UPK3A: variants seen among roughly 807,000 people sequenced by gnomAD.
The protein encoded by UPK3A is uroplakin 3A, also known as uroplakin-3a.
Under a neutral mutation model 27.6 loss-of-function variants are expected in UPK3A, and 32 were observed. The ratio of observed to expected loss-of-function variants is 1.16; its 90% confidence interval spans 0.87 to 1.55. The LOEUF (loss-of-function observed/expected upper bound fraction) is 1.55, where lower values mean the gene tolerates loss of function less well. UPK3A is among the 40% of genes most tolerant of loss of function. The pLI is 0.00. For synonymous variants in UPK3A, 171 were observed against 163.9 expected (o/e 1.04, Z -0.33); for missense variants, 370 against 367.9 (o/e 1.01, Z -0.05).
In UPK3A at chr22:45,287,332, C is replaced by G; in HGVS notation, c.369C>G (p.Ser123=). 6.2e-7 allele frequency: 1 copy of G among 1,614,162 alleles called. No individual in the cohort carries two copies. Among genetic ancestry groups the G allele is most frequent in the Middle Eastern group, 1.6e-4 (1 of 6,062 alleles). Reference sequence around the variant, plus strand: ...GCCTGGATGCCATTGGGGATGTGTCCAAGGCCTCACAGATCCTGAATGCCT... The same window carrying G: ...GCCTGGATGCCATTGGGGATGTGTCGAAGGCCTCACAGATCCTGAATGCCT... ...LPSLDAIGDV[S]KASQILNAYL... The change falls in exon 3 of 6, where the codon TCC becomes TCG. Residue 123 remains serine, a synonymous_variant. Coordinates refer to ENST00000216211, the MANE Select transcript of UPK3A (RefSeq NM_006953.4).
intron 1 of UPK3A, among the ~76,000 whole-genome samples, chr22:45,285,297 G>A (rs2084109893): frequency 6.6e-6 from 1 of 152,254 alleles, no homozygotes; most frequent in Non-Finnish European, 1.5e-5. Context: ...GGGGGCTGCG[G>A]TAGGACAGAG....
intron 5 of UPK3A, among the ~76,000 whole-genome samples, chr22:45,294,709 T>C (rs2084183520): frequency 6.6e-6 from 1 of 152,028 alleles, no homozygotes; most frequent in South Asian, 2.1e-4. Context: ...CTATCTGAAA[T>C]TAGCCCCAGT....
chr22:45,294,605 GA>G (rs1201487472), intron 5 of UPK3A, among the ~76,000 whole-genome samples: 3 of 152,112 alleles, frequency 2.0e-5, no homozygotes, highest in Non-Finnish European at 4.4e-5. Context: ...CAGCCTCCCA[GA>G]AACTCTGCCT....
In UPK3A at chr22:45,295,734, C is replaced by G. The variant is rs764697690; in HGVS notation, c.*15C>G. On this transcript the variant is annotated 3_prime_UTR_variant, in exon 6 of 6. Coordinates refer to ENST00000216211, the MANE Select transcript of UPK3A (RefSeq NM_006953.4). ...TCCAAGACTGAGCCCAGCACCACCC[C>G]TGGGCAGCAGCATCCTCCTCTCTGG... is the stretch of plus-strand genomic sequence containing the variant. The G allele has an allele frequency of 1.1e-5, 18 of 1,613,428 alleles. No individual in the cohort carries two copies. Among genetic ancestry groups the G allele is most frequent in the Middle Eastern group, 1.7e-4 (1 of 6,016 alleles).
At chr22:45,293,582 C>T (rs2147798250) in intron 5 of UPK3A, among the ~76,000 whole-genome samples, 1 of 152,298 alleles carries the variant, frequency 6.6e-6, no homozygotes, top group Non-Finnish European at 1.5e-5. Context: ...GATCTTAGCT[C>T]TGACACTGAA....
chr22:45,293,729 G>T (rs1048286067), intron 5 of UPK3A, among the ~76,000 whole-genome samples: 1 of 152,188 alleles, frequency 6.6e-6, no homozygotes, highest in African/African-American at 2.4e-5. Context: ...AGTCTCTAGA[G>T]CAGTGCCTGG....
At position 45,289,145 on chromosome 22, in the gene UPK3A, T is replaced by A. The variant is rs1264631617; in HGVS notation, c.571+2T>A. ...CAGACCCCATCCGCACCAACCAGCG[T>A]AAGTGGTGGGCAGTGGTGGTGGTGA... On this transcript the variant is annotated splice_donor_variant, in intron 4 of 5. Coordinates refer to ENST00000216211, the MANE Select transcript of UPK3A (RefSeq NM_006953.4). LOFTEE classifies it high-confidence loss of function. The A allele has an allele frequency of 1.2e-6, 2 of 1,613,636 alleles. No individual in the cohort carries two copies. Among genetic ancestry groups the A allele is most frequent in the Non-Finnish European group, 1.7e-6 (2 of 1,179,936 alleles).
In UPK3A at chr22:45,295,174, C is replaced by A. The variant is rs1303871161; in HGVS notation, c.705-386C>A. 5.9e-5 allele frequency among the ~76,000 whole-genome samples: 9 copies of A among 152,082 alleles called. No homozygotes were observed. In the East Asian group the frequency reaches 1.4e-3, roughly 23 times the overall value. ...TGAGCCACTGCACCCAGCCCACACA[C>A]CTTCTTTAGGGCCACGTGAGCTGCC... On this transcript the variant is annotated intron_variant, in intron 5 of 5. Coordinates refer to ENST00000216211, the MANE Select transcript of UPK3A (RefSeq NM_006953.4).
At position 45,295,688 on chromosome 22, in the gene UPK3A, C is replaced by T. The variant is rs2084190586; in HGVS notation, c.833C>T (p.Ala278Val). The part of the protein sequence containing the change: ...SVNRGPPLDR[A>V]EVYSSKLQD ...AACCGGGGGCCGCCACTGGACAGGGCTGAGGTGTATTCCAGCAAGCTCCAA... is the reference window on the plus strand; with the variant it reads ...AACCGGGGGCCGCCACTGGACAGGGTTGAGGTGTATTCCAGCAAGCTCCAA... The change falls in exon 6 of 6, where the codon GCT becomes GTT. Residue 278 changes from alanine to valine, a missense_variant. Physicochemically the swap from Ala to Val is moderately conservative, Grantham distance 64. Coordinates refer to ENST00000216211, the MANE Select transcript of UPK3A (RefSeq NM_006953.4). 1 of 1,613,986 alleles carries T rather than the reference C, an allele frequency of 6.2e-7. No homozygotes were observed.
intron 4 of UPK3A, among the ~76,000 whole-genome samples, chr22:45,291,861 A>ATGTGTGG (rs1259478230): frequency 9.9e-6 from 1 of 101,252 alleles, no homozygotes; most frequent in Non-Finnish European, 2.0e-5. Flanking sequence ...GTGAGTTGGT[A>ATGTGTGG]TGTGTGGTGT....
At chr22:45,291,403 G>GTGTA (rs10666246) in intron 4 of UPK3A, among the ~76,000 whole-genome samples, 78,987 of 149,402 alleles carry the variant, frequency 0.53, 24,731 homozygotes, top group African/African-American at 0.87. Context: ...TGTGTGGGTG[G>GTGTA]TGTGAGAGTG....
chr22:45,285,208 G>C, intron 1 of UPK3A, 143 bp downstream of exon 1: 1 of 768,608 alleles, frequency 1.3e-6, no homozygotes, highest in Non-Finnish European at 2.0e-6. Flanking sequence ...CAACGTTTAC[G>C]GGCCTCCTCT....
At chr22:45,286,217 G>A (rs1252145261) in intron 2 of UPK3A, 121 bp downstream of exon 2, 64 of 1,317,072 alleles carry the variant, frequency 4.9e-5, no homozygotes, top group Non-Finnish European at 5.8e-5. Context: ...AACAGGTACT[G>A]CAGCCACAGA....
At chr22:45,294,779 C>T (rs1046960632) in intron 5 of UPK3A, among the ~76,000 whole-genome samples, 79 of 152,028 alleles carry the variant, frequency 5.2e-4, no homozygotes, top group African/African-American at 1.8e-3. Flanking sequence ...CACTAAACTG[C>T]GATCTGTACC....
At chr22:45,294,633 A>C (rs769993410) in intron 5 of UPK3A, among the ~76,000 whole-genome samples, 3 of 152,200 alleles carry the variant, frequency 2.0e-5, no homozygotes, top group Non-Finnish European at 4.4e-5. Context: ...ACCCGGGAGC[A>C]GTCAGAACAC....
intron 4 of UPK3A, among the ~76,000 whole-genome samples, chr22:45,291,620 TGG>T (rs1416362106): frequency 2.2e-4 from 31 of 141,106 alleles, no homozygotes; most frequent in African/African-American, 7.5e-4. Flanking sequence ...TGTGTGTGTG[TGG>T]GAGTTGGTAT....
intron 5 of UPK3A, among the ~76,000 whole-genome samples, chr22:45,294,674 C>A (rs2084183341): frequency 6.6e-6 from 1 of 152,122 alleles, no homozygotes; most frequent in African/African-American, 2.4e-5. Flanking sequence ...TTGGACAGTG[C>A]CCTAATCTGG....
chr22:45,294,407 T>C (rs945960789), intron 5 of UPK3A, among the ~76,000 whole-genome samples: 7 of 123,936 alleles, frequency 5.6e-5, no homozygotes, highest in Admixed American at 1.5e-4. Context: ...CTGCTAACCC[T>C]GGTACACCCC....
At chr22:45,292,053 G>T (rs1434805247) in intron 4 of UPK3A, among the ~76,000 whole-genome samples, 1 of 152,152 alleles carries the variant, frequency 6.6e-6, no homozygotes, top group Non-Finnish European at 1.5e-5. Flanking sequence ...ACGCAGTGTG[G>T]TTTCACCGAA....
Sources: allele counts gnomAD v4.1 joint callset (sites outside exome capture counted in the v4.1 genomes callset), GRCh38; gene constraint gnomAD v4.1.1; transcripts MANE v1.5; gene names NCBI Gene and HGNC (gene_info 2026-07-23, HGNC 2026-07-21).